Variants in GNG12 observed in about 807,000 individuals in gnomAD.
The protein encoded by GNG12 is guanine nucleotide-binding protein G(I)/G(S)/G(O) subunit gamma-12.
For synonymous variants in GNG12, 28 were observed against 29.7 expected (o/e 0.94, Z 0.19); for missense variants, 69 against 83.8 (o/e 0.82, Z 0.69).
intron 1 of GNG12, among the ~76,000 whole-genome samples, chr1:67,788,694 C>T (rs1434881732): frequency 6.6e-6 from 1 of 152,148 alleles, no homozygotes; most frequent in Non-Finnish European, 1.5e-5. Flanking sequence ...TTTACTTACA[C>T]ACGAAGAGTA....
chr1:67,790,900 C>A (rs922248019), intron 1 of GNG12, among the ~76,000 whole-genome samples: 1 of 152,226 alleles, frequency 6.6e-6, no homozygotes, highest in East Asian at 1.9e-4. Flanking sequence ...AGGTGTGAGG[C>A]ACCATGCCCA....
At chr1:67,750,760 G>A (rs1197767599) in intron 2 of GNG12, among the ~76,000 whole-genome samples, 1 of 152,096 alleles carries the variant, frequency 6.6e-6, no homozygotes, top group Admixed American at 6.5e-5. Flanking sequence ...CTACTTACAT[G>A]CAGTCTTATT....
intron 1 of GNG12, among the ~76,000 whole-genome samples, chr1:67,826,318 G>A (rs1015997402): frequency 6.6e-6 from 1 of 152,206 alleles, no homozygotes; most frequent in Non-Finnish European, 1.5e-5. Context: ...CCTAGCAGAG[G>A]CAATCCTACT....
At chr1:67,794,897 C>G (rs771935148) in intron 1 of GNG12, among the ~76,000 whole-genome samples, 1 of 152,226 alleles carries the variant, frequency 6.6e-6, no homozygotes, top group East Asian at 1.9e-4. Flanking sequence ...ACCCACCTAC[C>G]TGCCAACCCA....
intron 2 of GNG12, among the ~76,000 whole-genome samples, chr1:67,775,911 T>C (rs1211733781): frequency 6.6e-6 from 1 of 152,122 alleles, no homozygotes; most frequent in East Asian, 1.9e-4. Context: ...TCAAGAGAGA[T>C]ACTGAACAGA....
intron 2 of GNG12, among the ~76,000 whole-genome samples, chr1:67,736,494 T>C (rs1424478686): frequency 6.6e-6 from 1 of 152,136 alleles, no homozygotes; most frequent in Admixed American, 6.5e-5. Context: ...GCTATGTAAA[T>C]GAACCCTGTG....
chr1:67,775,332 A>G (rs916788124), intron 2 of GNG12, among the ~76,000 whole-genome samples: 1 of 152,240 alleles, frequency 6.6e-6, no homozygotes, highest in Non-Finnish European at 1.5e-5. Context: ...TGTTCTTCCC[A>G]TAACAAGTGG....
chr1:67,831,220 A>G (rs1226046581), intron 1 of GNG12, among the ~76,000 whole-genome samples: 3 of 152,352 alleles, frequency 2.0e-5, no homozygotes, highest in Non-Finnish European at 4.4e-5. Context: ...ACAATAAATC[A>G]CATAATTCTA....
At chr1:67,756,689 G>C (rs990888362) in intron 2 of GNG12, among the ~76,000 whole-genome samples, 1 of 152,324 alleles carries the variant, frequency 6.6e-6, no homozygotes, top group Middle Eastern at 3.4e-3. Flanking sequence ...AGTTAGGTGA[G>C]CACAGGAATG....
chr1:67,780,038 G>A (rs1646728474), intron 1 of GNG12, among the ~76,000 whole-genome samples: 1 of 152,258 alleles, frequency 6.6e-6, no homozygotes, highest in East Asian at 1.9e-4. Flanking sequence ...AGTACCAATG[G>A]TATTATAGTC....
At chr1:67,784,448 C>T (rs1646756042) in intron 1 of GNG12, among the ~76,000 whole-genome samples, 1 of 150,526 alleles carries the variant, frequency 6.6e-6, no homozygotes, top group Admixed American at 6.6e-5. Flanking sequence ...CACATGTACC[C>T]TAAAACTTAA....
chr1:67,739,522 G>A (rs900327630), intron 2 of GNG12, among the ~76,000 whole-genome samples: 6 of 152,228 alleles, frequency 3.9e-5, no homozygotes, highest in African/African-American at 1.2e-4. Context: ...GGACAGCTAC[G>A]TTGGAAAATC....
At chr1:67,742,318 T>C (rs1646487016) in intron 2 of GNG12, among the ~76,000 whole-genome samples, 1 of 152,166 alleles carries the variant, frequency 6.6e-6, no homozygotes, top group African/African-American at 2.4e-5. Flanking sequence ...AACAATCTAA[T>C]CTTTAATAAT....
intron 1 of GNG12, among the ~76,000 whole-genome samples, chr1:67,829,385 C>T (rs1211103197): frequency 6.6e-6 from 1 of 152,090 alleles, no homozygotes; most frequent in African/African-American, 2.4e-5. Context: ...ATTTAAAAGA[C>T]AAAATGATGA....
At chr1:67,730,458 T>A (rs1013467561) in intron 2 of GNG12, among the ~76,000 whole-genome samples, 3 of 152,114 alleles carry the variant, frequency 2.0e-5, no homozygotes, top group Non-Finnish European at 4.4e-5. Context: ...TGAGCTGAGA[T>A]CATGCCATTG....
At chr1:67,752,047 C>A (rs1646541726) in intron 2 of GNG12, among the ~76,000 whole-genome samples, 1 of 152,222 alleles carries the variant, frequency 6.6e-6, no homozygotes, top group African/African-American at 2.4e-5. Context: ...CCCTTCCCTG[C>A]CCCATAGCAC....
At position 67,705,372 on chromosome 1, in the gene GNG12, A is replaced by C; in HGVS notation, c.*79T>G. On this transcript the variant is annotated 3_prime_UTR_variant, in exon 4 of 4. Coordinates refer to ENST00000370982, the MANE Select transcript of GNG12 (RefSeq NM_018841.6). ...AGTTATTAGCAGTGGTTACCAAATA[A>C]GCTGAAGGTAAATCTCTTCAAGGAG... 6.4e-7 allele frequency: 1 copy of C among 1,551,580 alleles called. No individual in the cohort carries two copies. Among genetic ancestry groups the C allele is most frequent in the Non-Finnish European group, 8.7e-7 (1 of 1,152,310 alleles).
At chr1:67,745,290 A>G (rs921627820) in intron 2 of GNG12, among the ~76,000 whole-genome samples, 5 of 152,212 alleles carry the variant, frequency 3.3e-5, no homozygotes, top group Non-Finnish European at 5.9e-5. Flanking sequence ...GTGGGACCTG[A>G]TAGCTTTCCA....
chr1:67,706,500 C>T (rs1646248758), intron 3 of GNG12, among the ~76,000 whole-genome samples: 1 of 152,106 alleles, frequency 6.6e-6, no homozygotes, highest in South Asian at 2.1e-4. Flanking sequence ...GGAGATCCTA[C>T]AGAATAGGAT....
Sources: allele counts gnomAD v4.1 joint callset (sites outside exome capture counted in the v4.1 genomes callset), GRCh38; gene constraint gnomAD v4.1.1; transcripts MANE v1.5; gene names NCBI Gene and HGNC (gene_info 2026-07-23, HGNC 2026-07-21).